Variants in RARB observed in about 807,000 individuals in gnomAD.
The protein encoded by RARB is HBV-activated protein.
Under a neutral mutation model 51.9 loss-of-function variants are expected in RARB, and 17 were observed. The observed-to-expected ratio is 0.33, with a 90% CI of 0.22 to 0.49. RARB has a LOEUF of 0.49. Among genes scored for constraint, RARB ranks in the 20% least tolerant of loss-of-function variants. The pLI, the probability that RARB is intolerant of heterozygous loss-of-function variation, is 0.99. For synonymous variants in RARB, 215 were observed against 195.4 expected (o/e 1.10, Z -0.84); for missense variants, 369 against 550.8 (o/e 0.67, Z 3.30).
chr3:24,934,779 A>C (rs1695515700), intron 2 of RARB, among the ~76,000 whole-genome samples: 1 of 152,144 alleles, frequency 6.6e-6, no homozygotes, highest in African/African-American at 2.4e-5. Context: ...TTATTGAGAA[A>C]TTCCCTGCAC....
intron 2 of RARB, among the ~76,000 whole-genome samples, chr3:24,958,203 G>T (rs1482036348): frequency 7.6e-6 from 1 of 130,994 alleles, no homozygotes; most frequent in East Asian, 2.7e-4. Flanking sequence ...TGTTGGACGT[G>T]TTAAAAAATC....
chr3:25,479,374 G>T (rs1437301910), intron 2 of RARB, among the ~76,000 whole-genome samples: 3 of 152,228 alleles, frequency 2.0e-5, no homozygotes, highest in East Asian at 1.9e-4. Flanking sequence ...GCCTTGTTGT[G>T]CATGGTATTA....
intron 3 of RARB, among the ~76,000 whole-genome samples, chr3:25,558,140 T>C (rs1448431331): frequency 6.6e-6 from 1 of 152,182 alleles, no homozygotes; most frequent in Non-Finnish European, 1.5e-5. Flanking sequence ...TGACTTCTCC[T>C]ACAGGTTGGA....
intron 5 of RARB, among the ~76,000 whole-genome samples, chr3:25,267,088 T>G (rs549366069): frequency 1.8e-4 from 28 of 152,150 alleles, no homozygotes; most frequent in Non-Finnish European, 3.5e-4. Flanking sequence ...CATAAATATG[T>G]AAGAAAACTT....
intron 5 of RARB, among the ~76,000 whole-genome samples, chr3:25,259,371 T>C (rs1702943089): frequency 6.6e-6 from 1 of 152,140 alleles, no homozygotes; most frequent in Admixed American, 6.6e-5. Flanking sequence ...TGTACTTTTG[T>C]AAATGTAAAA....
intron 2 of RARB, among the ~76,000 whole-genome samples, chr3:24,926,472 A>T (rs1353540803): frequency 6.6e-6 from 1 of 152,098 alleles, no homozygotes; most frequent in Non-Finnish European, 1.5e-5. Context: ...ATCTGAGTTG[A>T]GAAGTGGAAC....
At chr3:24,915,756 G>A (rs1344941669) in intron 2 of RARB, among the ~76,000 whole-genome samples, 15 of 152,170 alleles carry the variant, frequency 9.9e-5, no homozygotes, top group Non-Finnish European at 2.1e-4. Flanking sequence ...TCACCAAATA[G>A]CTTTCTTCTG....
intron 2 of RARB, among the ~76,000 whole-genome samples, chr3:24,973,423 T>G (rs1696444265): frequency 1.3e-5 from 2 of 152,078 alleles, no homozygotes; most frequent in South Asian, 4.1e-4. Context: ...TTACTTCTTT[T>G]TGATCAGCAT....
chr3:25,574,604 C>T (rs529969104), intron 4 of RARB, among the ~76,000 whole-genome samples: 1 of 152,344 alleles, frequency 6.6e-6, no homozygotes, highest in East Asian at 1.9e-4. Flanking sequence ...CGTGTGCGGG[C>T]CGCTCATCAC....
intron 3 of RARB, among the ~76,000 whole-genome samples, chr3:25,525,013 G>A (rs1698585691): frequency 6.6e-6 from 1 of 152,184 alleles, no homozygotes; most frequent in Admixed American, 6.5e-5. Flanking sequence ...ATAGGCTTGA[G>A]CCACCACGTC....
rs138702065 is a variant in RARB, at chr3:25,313,248, C to G, written c.178+138673C>G. The stretch of plus-strand genomic sequence containing the variant: ...GGTGAGTGACCCTGGCTACTCCAAT[C>G]AAATGTAGATAAACCAGACTTAGAA... On this transcript the variant is annotated intron_variant, in intron 5 of 11. Transcript: ENST00000383772. Among the ~76,000 whole-genome samples the G allele has an allele frequency of 8.8e-4, 134 of 152,260 alleles. 1 individual carries two copies. The highest frequency in any genetic ancestry group is 3.2e-3 in the African/African-American group (134 of 41,552).
intron 5 of RARB, among the ~76,000 whole-genome samples, chr3:25,374,761 A>C (rs535246402): frequency 6.6e-6 from 1 of 152,250 alleles, no homozygotes; most frequent in Middle Eastern, 3.4e-3. Context: ...ACATGAGTGG[A>C]TTCAACCTAA....
chr3:25,321,432 A>G (rs537349146), intron 5 of RARB, among the ~76,000 whole-genome samples: 28 of 152,104 alleles, frequency 1.8e-4, no homozygotes, highest in Non-Finnish European at 3.1e-4. Flanking sequence ...AAATTATGCT[A>G]TCAGGTCGGT....
At position 25,580,664 on chromosome 3, in the gene RARB, C is replaced by G. The variant is rs143219435; in HGVS notation, c.728C>G (p.Thr243Ser). Residue 243 changes from threonine to serine, a missense_variant, in exon 5 of 8, where the codon ACT becomes AGT. Transcript: ENST00000330688. ...VEFAKRLPGF[T>S]GLTIADQITL... Reference sequence around the variant, plus strand: ...TTTGCTAAACGTCTGCCTGGTTTCACTGGCTTGACCATCGCAGACCAAATT... The same window carrying G: ...TTTGCTAAACGTCTGCCTGGTTTCAGTGGCTTGACCATCGCAGACCAAATT... 1.7e-4 allele frequency: 281 copies of G among 1,612,960 alleles called. No individual in the cohort carries two copies. Among genetic ancestry groups the G allele is most frequent in the Non-Finnish European group, 2.2e-4 (262 of 1,179,170 alleles).
intron 2 of RARB, among the ~76,000 whole-genome samples, chr3:24,959,556 C>A (rs1207974842): frequency 1.3e-5 from 2 of 152,154 alleles, no homozygotes; most frequent in Non-Finnish European, 2.9e-5. Context: ...AAGCAGCATT[C>A]TAGTGGGAAG....
At chr3:25,280,027 T>C (rs1246005819) in intron 5 of RARB, among the ~76,000 whole-genome samples, 1 of 152,110 alleles carries the variant, frequency 6.6e-6, no homozygotes, top group Non-Finnish European at 1.5e-5. Context: ...AAAAGGCAGA[T>C]TAACTAGAGA....
Position 25,259,937 on chromosome 3 carries a change from C to A in RARB, c.178+85362C>A, listed in dbSNP as rs571072668. 1.2e-5 allele frequency: 12 copies of A among 985,302 alleles called. No homozygotes were observed. The South Asian group carries it at 5.2e-4, about 42-fold the overall frequency. The allele number at this position is 985,302 out of a possible 1,614,324, so 61.0% of individuals were successfully genotyped here. On this transcript the variant is annotated intron_variant, in intron 5 of 11. Coordinates refer to the RARB transcript ENST00000383772. The stretch of plus-strand genomic sequence containing the variant: ...TCTCAGGCTTTGTCTCTTTGGCATT[C>A]ATGGAGGGGAGGGGGGCAGTCAGTG...
At chr3:25,148,847 C>G (rs1387193173) in intron 4 of RARB, among the ~76,000 whole-genome samples, 2 of 152,172 alleles carry the variant, frequency 1.3e-5, no homozygotes, top group Admixed American at 6.5e-5. Context: ...GATGTCTACC[C>G]ATGCACAGCC....
intron 1 of RARB, among the ~76,000 whole-genome samples, chr3:24,858,479 T>G (rs1026237157): frequency 2.0e-5 from 3 of 152,154 alleles, no homozygotes; most frequent in Non-Finnish European, 4.4e-5. Context: ...CGGGTACAGC[T>G]TCAGTGAAGA....
Sources: allele counts gnomAD v4.1 joint callset (sites outside exome capture counted in the v4.1 genomes callset), GRCh38; gene constraint gnomAD v4.1.1; transcripts MANE v1.5; gene names NCBI Gene and HGNC (gene_info 2026-07-23, HGNC 2026-07-21).